FBXO17: variants seen among roughly 807,000 people sequenced by gnomAD.
The protein encoded by FBXO17 is F-box protein 17.
A neutral mutation model predicts 34.1 loss-of-function variants in FBXO17; 43 were observed. That is an observed-to-expected ratio of 1.26 (90% CI 0.99 to 1.62). FBXO17 has a LOEUF of 1.62. Among genes scored for constraint, FBXO17 ranks in the 40% most tolerant of loss-of-function variants. FBXO17 has a pLI of 0.00. For missense variants in FBXO17, 424 were observed against 386.7 expected, an observed-to-expected ratio of 1.10 and a Z score of -0.81; for synonymous variants, 169 against 166.0, an observed-to-expected ratio of 1.02 and a Z score of -0.14.
chr19:38,947,270 T>C (rs184587312), intron 3 of FBXO17: 1 of 152,330 alleles, frequency 6.6e-6, no homozygotes, highest in Admixed American at 6.6e-5. Flanking sequence ...GATGGGTAAG[T>C]TGAGCAATGG....
At chr19:38,957,079 T>G (rs2144827882) in intron 1 of FBXO17, among the ~76,000 whole-genome samples, 1 of 152,002 alleles carries the variant, frequency 6.6e-6, no homozygotes, top group South Asian at 2.1e-4. Context: ...AAGACCAAGC[T>G]GTGCTTTTCT....
Position 38,946,501 on chromosome 19 carries a change from G to A in FBXO17, c.528C>T (p.Ser176=), listed in dbSNP as rs148774418. ...MEGVWQELLD[S]AQIEICVADW... ...CAGCCACACAGATCTCAATCTGGGC[G>A]CTGTCCAGCAGCTCCTGCCACACCC... Residue 176 remains serine, a synonymous_variant, in exon 4 of 6, where the codon AGC becomes AGT. Coordinates refer to ENST00000292852, the MANE Select transcript of FBXO17 (RefSeq NM_024907.7). 4.3e-5 allele frequency: 69 copies of A among 1,614,020 alleles called. 1 individual carries two copies. The East Asian group carries it at 6.5e-4, about 15-fold the overall frequency.
intron 1 of FBXO17, 113 bp from the exon 2 acceptor site, chr19:38,950,449 G>C (rs969440356): frequency 7.6e-7 from 1 of 1,311,594 alleles, no homozygotes; most frequent in Non-Finnish European, 9.8e-7. Context: ...TTAGGTCCAT[G>C]GGCAACCAGG....
At chr19:38,952,990 A>G (rs1424709969) in intron 1 of FBXO17, among the ~76,000 whole-genome samples, 2 of 152,082 alleles carry the variant, frequency 1.3e-5, no homozygotes, top group African/African-American at 2.4e-5. Context: ...GCCAGCTTAA[A>G]TTCCATGGTT....
intron 4 of FBXO17, chr19:38,945,322 G>T: frequency 1.8e-6 from 1 of 570,272 alleles, no homozygotes; most frequent in Non-Finnish European, 3.0e-6. Context: ...CTGGGGAGGA[G>T]CCAGAGCCTG....
chr19:38,942,675 G>A lies in FBXO17; in HGVS notation c.770C>T (p.Ser257Phe). The change falls in exon 6 of 6, where the codon TCC becomes TTC. Residue 257 changes from serine (S) to phenylalanine (F), a missense_variant. By Grantham distance (155) the Ser-to-Phe change is radical. Coordinates refer to ENST00000292852, the MANE Select transcript of FBXO17 (RefSeq NM_024907.7). ...AAGGGCGCCATAGTGCCCCACCCAG[G>A]AACTCACGTCTCTCCCGTACTGCTC... is the stretch of plus-strand genomic sequence containing the variant. ...SFEQYGRDVSSWVGHYGALVT... is the reference protein window; with the variant it reads ...SFEQYGRDVSFWVGHYGALVT... The A allele has an allele frequency of 6.2e-7, 1 of 1,602,244 alleles. No individual in the cohort carries two copies. Among genetic ancestry groups the A allele is most frequent in the Non-Finnish European group, 8.5e-7 (1 of 1,175,426 alleles).
At chr19:38,957,561 G>A (rs945195968) in intron 1 of FBXO17, among the ~76,000 whole-genome samples, 4 of 152,264 alleles carry the variant, frequency 2.6e-5, no homozygotes, top group East Asian at 1.9e-4. Context: ...GGCCAGGCTG[G>A]TCTTGAATGC....
rs574833923 is a variant in FBXO17, at chr19:38,962,866, C to T, written c.-17-12530G>A. Among the ~76,000 whole-genome samples the T allele has an allele frequency of 4.1e-4, 62 of 151,972 alleles. No individual in the cohort carries two copies. In the South Asian group the frequency reaches 0.011, roughly 28 times the overall value. ...TTGAGTAGCTGGGACTACAGGCACA[C>T]GCCACCACGCCCAGCTACTTTTTGT... On this transcript the variant is annotated intron_variant, in intron 1 of 5. Transcript: ENST00000292852.
chr19:38,944,733 C>T, intron 5 of FBXO17: 4 of 564,328 alleles, frequency 7.1e-6, no homozygotes, highest in South Asian at 6.8e-5. Context: ...GAGTGGTGCC[C>T]AGCACACAGT....
At position 38,950,215 on chromosome 19, in the gene FBXO17, T is replaced by G. The variant is rs1377984778; in HGVS notation, c.105A>C (p.Pro35=). The change falls in exon 2 of 6, where the codon CCA becomes CCC. Residue 35 remains proline, a synonymous_variant. Transcript: ENST00000292852. The part of the protein sequence containing the change: ...LLVQVLSHVP[P]RSLVTRCRPV... ...GGCGGCATCGCGTGACCAAGGAGCG[T>G]GGCGGCACGTGGCTCAGCACCTGCA... is the stretch of plus-strand genomic sequence containing the variant. 3 of 1,545,276 alleles carry G rather than the reference T, an allele frequency of 1.9e-6. No homozygotes were observed. The Admixed American group carries it at 5.6e-5, about 29-fold the overall frequency.
At position 38,946,545 on chromosome 19, in the gene FBXO17, CA is replaced by C; in HGVS notation, c.483del (p.Val162TrpfsTer4). 1 of 1,614,056 alleles carries C rather than the reference CA, an allele frequency of 6.2e-7. No homozygotes were observed. Among genetic ancestry groups the C allele is most frequent in the South Asian group, 1.1e-5 (1 of 91,090 alleles). On this transcript the variant is annotated frameshift_variant, in exon 4 of 6. Coordinates refer to ENST00000292852, the MANE Select transcript of FBXO17 (RefSeq NM_024907.7). LOFTEE classifies it high-confidence loss of function. ...CACACCCCTTCCATCACCAGGTCCACAAGCTGCCTCTTGGAGCACCATCTGG... is the reference window on the plus strand; with the variant it reads ...CACACCCCTTCCATCACCAGGTCCACAGCTGCCTCTTGGAGCACCATCTGG... ...TSFEWCSKRQLVDLVMEGVWQ... is the reference protein window; with the variant it reads ...TSFEWCSKRQXVDLVMEGVWQ...
chr19:38,950,423 T>C, intron 1 of FBXO17, 87 bp from the exon 2 acceptor site: 1 of 1,376,540 alleles, frequency 7.3e-7, no homozygotes, highest in Non-Finnish European at 9.3e-7. Context: ...AGGCCCCTGC[T>C]GCTCGAGAGA....
At chr19:38,958,406 CAAAA>C (rs61007658) in intron 1 of FBXO17, among the ~76,000 whole-genome samples, 15,134 of 98,690 alleles carry the variant, frequency 0.15, 890 homozygotes, top group African/African-American at 0.2. Context: ...GAAACTGTCT[CAAAA>C]AAAAAAAAAA....
At chr19:38,955,080 A>C (rs1428058611) in intron 1 of FBXO17, among the ~76,000 whole-genome samples, 3 of 151,254 alleles carry the variant, frequency 2.0e-5, no homozygotes, top group South Asian at 4.2e-4. Flanking sequence ...ACAGGCGCCC[A>C]CCACCATGCC....
At chr19:38,949,022 T>C (rs1378265983) in intron 2 of FBXO17, among the ~76,000 whole-genome samples, 2 of 152,028 alleles carry the variant, frequency 1.3e-5, no homozygotes, top group South Asian at 4.2e-4. Context: ...CTCAAACTCC[T>C]GGGCTCAAGC....
chr19:38,949,005 C>T (rs1975030280), intron 2 of FBXO17, among the ~76,000 whole-genome samples: 1 of 152,242 alleles, frequency 6.6e-6, no homozygotes, highest in Non-Finnish European at 1.5e-5. Flanking sequence ...TCATAGCTCA[C>T]TGCAGCCTCA....
intron 1 of FBXO17, among the ~76,000 whole-genome samples, chr19:38,962,839 CCTT>C (rs1975271586): frequency 6.6e-6 from 1 of 151,920 alleles, no homozygotes; most frequent in African/African-American, 2.4e-5. Context: ...GCCTCAGCCT[CCTT>C]GAGTAGCTGG....
intron 4 of FBXO17, 86 bp downstream of exon 4, chr19:38,946,386 G>C: frequency 1.9e-6 from 3 of 1,589,204 alleles, no homozygotes; most frequent in Middle Eastern, 3.9e-4. Flanking sequence ...TACCCGTGGG[G>C]TTGATGGGGC....
At chr19:38,970,182 C>G (rs898148076) in intron 1 of FBXO17, among the ~76,000 whole-genome samples, 1 of 150,208 alleles carries the variant, frequency 6.7e-6, no homozygotes, top group Non-Finnish European at 1.5e-5. Context: ...GTACCCAGAA[C>G]ATGAATGATT....
Sources: allele counts gnomAD v4.1 joint callset (sites outside exome capture counted in the v4.1 genomes callset), GRCh38; gene constraint gnomAD v4.1.1; transcripts MANE v1.5; gene names NCBI Gene and HGNC (gene_info 2026-07-23, HGNC 2026-07-21).